The following MCPH1 variants were observed in gnomAD, a reference collection of about 807,000 sequenced individuals.
MCPH1 encodes microcephalin 1.
Under a neutral mutation model 84.5 loss-of-function variants are expected in MCPH1, and 104 were observed. That is an observed-to-expected ratio of 1.23 (90% CI 1.05 to 1.45). The LOEUF (loss-of-function observed/expected upper bound fraction) is 1.45. Among genes scored for constraint, MCPH1 ranks in the 40% most tolerant of loss-of-function variants. MCPH1 has a pLI of 0.00. For synonymous variants in MCPH1, 514 were observed against 366.8 expected (o/e 1.40, Z -4.58); for missense variants, 1,498 against 1,005.7 (o/e 1.49, Z -6.62).
chr8:6,595,039 C>T (rs1264546444), intron 12 of MCPH1, among the ~76,000 whole-genome samples: 1 of 152,186 alleles, frequency 6.6e-6, no homozygotes, highest in Non-Finnish European at 1.5e-5. Context: ...CAAAGACAGG[C>T]AACTTGAGGT....
intron 12 of MCPH1, among the ~76,000 whole-genome samples, chr8:6,536,034 G>T (rs546303780): frequency 1.3e-5 from 2 of 152,174 alleles, no homozygotes; most frequent in South Asian, 4.2e-4. Context: ...TGCAGCTTGG[G>T]CGACAGAGTG....
chr8:6,609,828 C>CCCCCCACACA (rs1475345162), intron 12 of MCPH1, among the ~76,000 whole-genome samples: 12 of 108,844 alleles, frequency 1.1e-4, no homozygotes, highest in Non-Finnish European at 1.8e-4. Flanking sequence ...CGCCCCCCCC[C>CCCCCCACACA]CACACACAGA....
At chr8:6,408,575 C>T (rs1385661852) in intron 1 of MCPH1, among the ~76,000 whole-genome samples, 1 of 150,520 alleles carries the variant, frequency 6.6e-6, no homozygotes, top group Non-Finnish European at 1.5e-5. Flanking sequence ...TCTTTCTCTG[C>T]TGCCCAGGCT....
chr8:6,406,735 C>A, intron 1 of MCPH1, 46 bp downstream of exon 1: 2 of 1,605,724 alleles, frequency 1.2e-6, no homozygotes, highest in East Asian at 2.2e-5. Context: ...AGTTTGAGGA[C>A]CGGCACCCCT....
chr8:6,443,227 A>G (rs1803774121), intron 7 of MCPH1, among the ~76,000 whole-genome samples: 1 of 152,202 alleles, frequency 6.6e-6, no homozygotes, highest in Admixed American at 6.5e-5. Flanking sequence ...CCAAGCTTCT[A>G]ACTTAGGCAG....
intron 11 of MCPH1, among the ~76,000 whole-genome samples, chr8:6,484,320 T>C (rs1809592612): frequency 6.6e-6 from 1 of 152,246 alleles, no homozygotes; most frequent in African/African-American, 2.4e-5. Context: ...CTCATCATTA[T>C]TGCTCACTTC....
chr8:6,553,665 ATTTT>A, intron 12 of MCPH1, among the ~76,000 whole-genome samples: 1 of 142,984 alleles, frequency 7.0e-6, no homozygotes, highest in East Asian at 2.0e-4. Context: ...TGGTCTCAAA[ATTTT>A]TTTTTTTTTT....
chr8:6,624,878 T>TG (rs1831898169), intron 13 of MCPH1: 6 of 974,604 alleles, frequency 6.2e-6, no homozygotes, highest in Non-Finnish European at 7.3e-6. Flanking sequence ...CATATACTTT[T>TG]TTTTTTTTTT....
chr8:6,513,355 C>T (rs981162820), intron 12 of MCPH1, among the ~76,000 whole-genome samples: 3 of 142,532 alleles, frequency 2.1e-5, no homozygotes, highest in Non-Finnish European at 4.5e-5. Context: ...TTTTTTGAGA[C>T]GGAGTCTTGC....
chr8:6,455,821 C>G (rs182793462), intron 9 of MCPH1, among the ~76,000 whole-genome samples: 9 of 152,114 alleles, frequency 5.9e-5, no homozygotes, highest in South Asian at 4.2e-4. Context: ...TTAAAATTAG[C>G]CATATATATT....
chr8:6,573,997 C>A lies in MCPH1; in HGVS notation c.2215-47457C>A, dbSNP rs7846199. On this transcript the variant is annotated intron_variant, in intron 12 of 13. Transcript: ENST00000344683. ...GGGAGAATGCACTTTCATCATGGGT[C>A]TCAAAACATTCTTACAATTTCCCAA... Among the ~76,000 whole-genome samples, 1,199 of 152,260 alleles carry A rather than the reference C, an allele frequency of 7.9e-3. 21 individuals carry two copies. Among genetic ancestry groups the A allele is most frequent in the African/African-American group, 0.028 (1,147 of 41,536 alleles).
At chr8:6,421,290 C>G (rs1294528593) in intron 3 of MCPH1, among the ~76,000 whole-genome samples, 1 of 152,168 alleles carries the variant, frequency 6.6e-6, no homozygotes, top group Non-Finnish European at 1.5e-5. Flanking sequence ...CAATTTATCA[C>G]TTTTAGAGAG....
At chr8:6,445,656 C>T in intron 8 of MCPH1, 109 bp downstream of exon 8, 1 of 1,464,492 alleles carries the variant, frequency 6.8e-7, no homozygotes, top group East Asian at 2.4e-5. Flanking sequence ...CCATTTACTC[C>T]TCTTTTTACT....
chr8:6,496,370 A>C (rs748714814), intron 11 of MCPH1, among the ~76,000 whole-genome samples: 14 of 152,196 alleles, frequency 9.2e-5, no homozygotes, highest in Middle Eastern at 3.4e-3. Flanking sequence ...AATACAGATG[A>C]GGCTTCCTTC....
intron 12 of MCPH1, among the ~76,000 whole-genome samples, chr8:6,531,820 G>C (rs1819573123): frequency 1.3e-5 from 2 of 152,158 alleles, no homozygotes; most frequent in Non-Finnish European, 2.9e-5. Context: ...CTTTTCTGTG[G>C]CTAGACGCTT....
At chr8:6,496,820 A>T (rs1811284022) in intron 11 of MCPH1, among the ~76,000 whole-genome samples, 1 of 152,168 alleles carries the variant, frequency 6.6e-6, no homozygotes, top group Non-Finnish European at 1.5e-5. Flanking sequence ...GGGAGTCATT[A>T]TTAAATGGGG....
chr8:6,554,119 G>C (rs190685771), intron 12 of MCPH1, among the ~76,000 whole-genome samples: 200 of 149,494 alleles, frequency 1.3e-3, no homozygotes, highest in African/African-American at 4.8e-3. Context: ...GTGGTATCTA[G>C]TAGCCTTGTG....
rs2916750 is a variant in MCPH1 at position 6,445,888 on chromosome 8, T to G, written c.1825+341T>G. ...ATTGGAGTCTTGGCGCTGCAGCGTG[T>G]GTAAAGATGTATACGATAGAGAGTT... On this transcript the variant is annotated intron_variant, in intron 8 of 13. Coordinates refer to ENST00000344683, the MANE Select transcript of MCPH1 (RefSeq NM_024596.5). 196,435 of 1,038,434 alleles carry G rather than the reference T, an allele frequency of 0.19. 21,939 individuals carry two copies. Among genetic ancestry groups the G allele is most frequent in the African/African-American group, 0.5 (29,576 of 58,590 alleles). 64.3% of individuals were successfully genotyped at this position (1,038,434 alleles called of 1,614,324 possible).
At chr8:6,623,887 G>T (rs1563206635) in intron 13 of MCPH1, among the ~76,000 whole-genome samples, 1 of 152,202 alleles carries the variant, frequency 6.6e-6, no homozygotes, top group Non-Finnish European at 1.5e-5. Flanking sequence ...AACTGGGCCT[G>T]AAAGCATGTC....
Sources: allele counts gnomAD v4.1 joint callset (sites outside exome capture counted in the v4.1 genomes callset), GRCh38; gene constraint gnomAD v4.1.1; transcripts MANE v1.5; gene names NCBI Gene and HGNC (gene_info 2026-07-23, HGNC 2026-07-21).